The following EPS8 variants were observed in gnomAD, a reference collection of about 807,000 sequenced individuals.
The protein encoded by EPS8 is epidermal growth factor receptor kinase substrate 8.
In EPS8, 42 loss-of-function variants were observed where a neutral mutation model predicts 103.8. The ratio of observed to expected loss-of-function variants is 0.40; its 90% confidence interval spans 0.32 to 0.52. The LOEUF is 0.52. Ranked by LOEUF, EPS8 falls within the 20% of genes least tolerant of loss-of-function variation. The pLI is 0.40. For missense variants in EPS8, 969 were observed against 1,005.1 expected (o/e 0.96, Z 0.49); for synonymous variants, 344 against 344.6 (o/e 1.00, Z 0.02).
chr12:15,737,915 A>G (rs1359845118), intron 1 of EPS8, among the ~76,000 whole-genome samples: 1 of 152,140 alleles, frequency 6.6e-6, no homozygotes, highest in Non-Finnish European at 1.5e-5. Flanking sequence ...TTTTGTAAGT[A>G]CATGAAAAAC....
intron 6 of EPS8, 49 bp from the exon 7 acceptor site, chr12:15,666,571 T>C: frequency 7.5e-7 from 1 of 1,341,686 alleles, no homozygotes; most frequent in East Asian, 2.3e-5. Flanking sequence ...TTTCTGAGTC[T>C]TGATATGTAG....
At chr12:15,744,877 TA>T (rs1230625950) in intron 1 of EPS8, among the ~76,000 whole-genome samples, 1 of 152,088 alleles carries the variant, frequency 6.6e-6, no homozygotes, top group Non-Finnish European at 1.5e-5. Flanking sequence ...ATTTTTTTAT[TA>T]CTATTATTTT....
chr12:15,658,208 G>T (rs1945542048), intron 11 of EPS8, 55 bp from the exon 12 acceptor site: 2 of 1,241,934 alleles, frequency 1.6e-6, no homozygotes, highest in Non-Finnish European at 2.4e-6. Context: ...CAGACACTCA[G>T]AAAGGTCCAA....
rs557972485 is a variant in EPS8, at chr12:15,635,059, A to G, written c.1822-3395T>C. ...AAATACTAAGATATAGGTTTATTTT[A>G]TTCCTATTGCTCATAAAGAATACAA... On this transcript the variant is annotated intron_variant, in intron 17 of 20. Transcript: ENST00000281172. Among the ~76,000 whole-genome samples the G allele has an allele frequency of 3.3e-5, 5 of 152,314 alleles. No homozygotes were observed. In the South Asian group the frequency reaches 1.0e-3, roughly 32 times the overall value.
chr12:15,665,993 T>A, intron 7 of EPS8, 101 bp from the exon 8 acceptor site: 1 of 1,198,498 alleles, frequency 8.3e-7, no homozygotes, highest in Non-Finnish European at 1.2e-6. Flanking sequence ...CAAAAAGAAC[T>A]ATGTCAAGGG....
At chr12:15,718,394 C>T (rs112213503) in intron 1 of EPS8, among the ~76,000 whole-genome samples, 1,966 of 152,278 alleles carry the variant, frequency 0.013, 16 homozygotes, top group Non-Finnish European at 0.017. Context: ...TTATGAGTCA[C>T]TATGAGGACA....
rs1366085039 is a variant in EPS8 at position 15,630,697 on chromosome 12, G to T, written c.2044+745C>A. Among the ~76,000 whole-genome samples the T allele has an allele frequency of 2.6e-5, 4 of 152,090 alleles. No individual in the cohort carries two copies. In the East Asian group the frequency reaches 7.7e-4, roughly 29 times the overall value. ...TACTGTGAATAGCAAACAAGAGGAA[G>T]AGAAGTAGGAAGGTTATGATGATGA... On this transcript the variant is annotated intron_variant, in intron 18 of 20. Coordinates refer to ENST00000281172, the MANE Select transcript of EPS8 (RefSeq NM_004447.6).
At position 15,777,263 on chromosome 12, in the gene EPS8, A is replaced by G. The variant is rs1306966106; in HGVS notation, c.-22+11898T>C. Reference sequence around the variant, plus strand: ...CTACAGTGATAAGGGGTACTTACAAAGCAGAATGAAAAAAAACACACACAC... The same window carrying G: ...CTACAGTGATAAGGGGTACTTACAAGGCAGAATGAAAAAAAACACACACAC... On this transcript the variant is annotated intron_variant, in intron 1 of 20. Coordinates refer to ENST00000281172, the MANE Select transcript of EPS8 (RefSeq NM_004447.6). The surrounding 1 kb of genome is among the most constrained non-coding windows in gnomAD (Gnocchi z 4.7). Among the ~76,000 whole-genome samples, 3 of 152,080 alleles carry G rather than the reference A, an allele frequency of 2.0e-5. No individual in the cohort carries two copies. The highest frequency in any genetic ancestry group is 7.2e-5 in the African/African-American group (3 of 41,418).
At chr12:15,729,646 G>A (rs1282712769) in intron 1 of EPS8, among the ~76,000 whole-genome samples, 3 of 152,100 alleles carry the variant, frequency 2.0e-5, no homozygotes. Context: ...TTTAGTCAGT[G>A]TATTTTTTAT....
rs193078630 is a variant in EPS8 at position 15,767,819 on chromosome 12, G to A, written c.-22+21342C>T. On this transcript the variant is annotated intron_variant, in intron 1 of 20. Transcript: ENST00000281172. This position sits in a 1 kb window ranked among gnomAD's most constrained non-coding sequence, Gnocchi z 5.5. Reference sequence around the variant, plus strand: ...TGTCTGGAAATCTGTTTTCCCAACAGGATTTTGCAAAGCAAAAACATTTCA... The same window carrying A: ...TGTCTGGAAATCTGTTTTCCCAACAAGATTTTGCAAAGCAAAAACATTTCA... Among the ~76,000 whole-genome samples, 264 of 152,266 alleles carry A rather than the reference G, an allele frequency of 1.7e-3. 2 individuals carry two copies. Among genetic ancestry groups the A allele is most frequent in the Middle Eastern group, 6.8e-3 (2 of 294 alleles).
chr12:15,676,833 T>C (rs1454344574), intron 3 of EPS8, among the ~76,000 whole-genome samples: 1 of 152,200 alleles, frequency 6.6e-6, no homozygotes, highest in Non-Finnish European at 1.5e-5. Context: ...GCTCAGAAAT[T>C]TCTTGTATGG....
At chr12:15,720,651 G>A (rs1018699957) in intron 1 of EPS8, among the ~76,000 whole-genome samples, 4 of 152,154 alleles carry the variant, frequency 2.6e-5, no homozygotes, top group Non-Finnish European at 5.9e-5. Flanking sequence ...TTGTCTGAAT[G>A]CAGTCATAGT....
intron 17 of EPS8, 56 bp from the exon 18 acceptor site, chr12:15,631,720 A>G: frequency 7.4e-7 from 1 of 1,352,118 alleles, no homozygotes; most frequent in Non-Finnish European, 1.0e-6. Context: ...CTAGGCTAGG[A>G]AAACAAATTA....
rs1947240119 is a variant in EPS8 at position 15,779,607 on chromosome 12, A to G, written c.-22+9554T>C. Among the ~76,000 whole-genome samples, 1 of 152,234 alleles carries G rather than the reference A, an allele frequency of 6.6e-6. No homozygotes were observed. The highest frequency in any genetic ancestry group is 1.5e-5 in the Non-Finnish European group (1 of 68,042). ...GTATTTCTATAATAAGGAATAACTT[A>G]GTAATATTCTAATGGTGTTAACAGA... is the stretch of plus-strand genomic sequence containing the variant. On this transcript the variant is annotated intron_variant, in intron 1 of 20. Coordinates refer to ENST00000281172, the MANE Select transcript of EPS8 (RefSeq NM_004447.6). This position sits in a 1 kb window ranked among gnomAD's most constrained non-coding sequence, Gnocchi z 4.3.
At chr12:15,788,581 T>C (rs957384915) in intron 1 of EPS8, among the ~76,000 whole-genome samples, 5 of 152,224 alleles carry the variant, frequency 3.3e-5, no homozygotes, top group African/African-American at 1.2e-4. Context: ...GCCGTCTGTC[T>C]TCCCAAAAGT....
rs945035932 is a variant in EPS8, at chr12:15,733,041, T to C, written c.-21-50069A>G. Among the ~76,000 whole-genome samples, 1 of 152,202 alleles carries C rather than the reference T, an allele frequency of 6.6e-6. No homozygotes were observed. The highest frequency in any genetic ancestry group is 1.5e-5 in the Non-Finnish European group (1 of 68,032). ...ACCTAAATAATGGAGTACATGGAGA[T>C]GATTTTACTAGCAGCTGACCAGCAT... On this transcript the variant is annotated intron_variant, in intron 1 of 20. Transcript: ENST00000281172. The surrounding 1 kb of genome is among the most constrained non-coding windows in gnomAD (Gnocchi z 4.8).
intron 20 of EPS8, 55 bp from the exon 21 acceptor site, chr12:15,621,485 C>A: frequency 1.0e-6 from 1 of 971,554 alleles, no homozygotes; most frequent in South Asian, 1.6e-5. Context: ...GGCTGCAGGT[C>A]ATATCATGAA....
intron 4 of EPS8, among the ~76,000 whole-genome samples, chr12:15,670,518 TAAACTAA>T (rs1945796749): frequency 6.6e-6 from 1 of 152,144 alleles, no homozygotes; most frequent in Non-Finnish European, 1.5e-5. Context: ...TAACTTTAGT[TAAACTAA>T]AAACTAAATT....
Position 15,776,027 on chromosome 12 carries a change from A to G in EPS8, c.-22+13134T>C, listed in dbSNP as rs951295150. 5.3e-5 allele frequency among the ~76,000 whole-genome samples: 8 copies of G among 152,300 alleles called. No individual in the cohort carries two copies. Among genetic ancestry groups the G allele is most frequent in the African/African-American group, 1.9e-4 (8 of 41,568 alleles). ...ATCAAACCAGATCTGACACCACTAC[A>G]ACAAACAAAACTCACCTTCACATAC... On this transcript the variant is annotated intron_variant, in intron 1 of 20. Coordinates refer to ENST00000281172, the MANE Select transcript of EPS8 (RefSeq NM_004447.6). This position sits in a 1 kb window ranked among gnomAD's most constrained non-coding sequence, Gnocchi z 4.2.
Sources: allele counts gnomAD v4.1 joint callset (sites outside exome capture counted in the v4.1 genomes callset), GRCh38; gene constraint gnomAD v4.1.1; non-coding constraint Gnocchi (gnomAD v3.1); transcripts MANE v1.5; gene names NCBI Gene and HGNC (gene_info 2026-07-23, HGNC 2026-07-21).